Variants in OPCML observed in about 807,000 individuals in gnomAD.
The protein encoded by OPCML is opioid binding protein/cell adhesion molecule like.
Under a neutral mutation model 37.8 loss-of-function variants are expected in OPCML, and 13 were observed. The ratio of observed to expected loss-of-function variants is 0.34; its 90% CI spans 0.22 to 0.55. The LOEUF is 0.55. OPCML is among the 20% of genes least tolerant of loss of function. The pLI is 0.91. For missense variants in OPCML, 341 were observed against 435.6 expected, an observed-to-expected ratio of 0.78 and a Z score of 1.93; for synonymous variants, 176 against 168.8, an observed-to-expected ratio of 1.04 and a Z score of -0.33.
At chr11:133,520,067 T>G (rs1458327130) in intron 1 of OPCML, among the ~76,000 whole-genome samples, 1 of 152,100 alleles carries the variant, frequency 6.6e-6, no homozygotes, top group East Asian at 1.9e-4. Flanking sequence ...AAAGGAGGGT[T>G]AGAGCAGCTC....
intron 2 of OPCML, among the ~76,000 whole-genome samples, chr11:132,881,590 A>G (rs1278692240): frequency 6.6e-6 from 1 of 151,686 alleles, no homozygotes; most frequent in African/African-American, 2.4e-5. Context: ...GCTTTGTACT[A>G]AAGAATTAGG....
intron 2 of OPCML, among the ~76,000 whole-genome samples, chr11:132,875,104 T>C (rs1411317006): frequency 1.3e-5 from 2 of 152,226 alleles, no homozygotes; most frequent in Non-Finnish European, 2.9e-5. Context: ...GATATGCACT[T>C]TGAAATCTAT....
chr11:132,627,961 G>A (rs991120451), intron 3 of OPCML, among the ~76,000 whole-genome samples: 3 of 152,082 alleles, frequency 2.0e-5, no homozygotes. Context: ...TGATAGTAGT[G>A]AAGAAAAAGG....
chr11:133,035,131 G>A (rs1947754718), intron 1 of OPCML, among the ~76,000 whole-genome samples: 2 of 152,184 alleles, frequency 1.3e-5, no homozygotes, highest in Admixed American at 6.5e-5. Flanking sequence ...GGAGGGTACT[G>A]TTGATATGCA....
At chr11:133,128,118 GT>G (rs150105677) in intron 1 of OPCML, among the ~76,000 whole-genome samples, 3,750 of 152,180 alleles carry the variant, frequency 0.025, 156 homozygotes, top group African/African-American at 0.085. Context: ...TTTACCGCAG[GT>G]TTCCTCACCC....
At chr11:132,991,110 A>G (rs1344259431) in intron 1 of OPCML, among the ~76,000 whole-genome samples, 1 of 152,200 alleles carries the variant, frequency 6.6e-6, no homozygotes, top group Non-Finnish European at 1.5e-5. Context: ...AAATGTCTAC[A>G]GCAATTCGCA....
chr11:133,032,562 T>C (rs957638412), intron 1 of OPCML, among the ~76,000 whole-genome samples: 3 of 152,238 alleles, frequency 2.0e-5, no homozygotes, highest in African/African-American at 4.8e-5. Context: ...GTAACAAGTC[T>C]AGAACTCACA....
intron 2 of OPCML, among the ~76,000 whole-genome samples, chr11:132,756,491 T>C (rs1432459298): frequency 6.6e-6 from 1 of 152,228 alleles, no homozygotes; most frequent in Non-Finnish European, 1.5e-5. Context: ...GCCATGTTGC[T>C]CCTAGGTGCG....
At chr11:132,950,511 C>T (rs747588360) in intron 1 of OPCML, among the ~76,000 whole-genome samples, 1 of 152,206 alleles carries the variant, frequency 6.6e-6, no homozygotes, top group Non-Finnish European at 1.5e-5. Flanking sequence ...AGTTGTGAAG[C>T]TATCACCTCT....
At chr11:132,737,074 T>C (rs975127251) in intron 2 of OPCML, among the ~76,000 whole-genome samples, 2 of 152,170 alleles carry the variant, frequency 1.3e-5, no homozygotes, top group Non-Finnish European at 2.9e-5. Flanking sequence ...ATTATCTCCA[T>C]GTGGACACTG....
At chr11:132,614,277 A>T (rs1459671368) in intron 3 of OPCML, among the ~76,000 whole-genome samples, 2 of 151,922 alleles carry the variant, frequency 1.3e-5, no homozygotes, top group Non-Finnish European at 2.9e-5. Flanking sequence ...CCCCCATCAG[A>T]TTTTCCTGAG....
intron 2 of OPCML, among the ~76,000 whole-genome samples, chr11:132,745,168 G>A (rs1287171670): frequency 2.0e-5 from 3 of 152,158 alleles, no homozygotes; most frequent in African/African-American, 7.2e-5. Context: ...GGGAGAGGAA[G>A]CTAGAGATGA....
In OPCML at chr11:132,989,238, C is replaced by T. The variant is rs928545322; in HGVS notation, c.62-46228G>A. Among the ~76,000 whole-genome samples the T allele has an allele frequency of 3.3e-5, 5 of 152,100 alleles. No individual in the cohort carries two copies. The East Asian group carries it at 9.6e-4, about 29-fold the overall frequency. On this transcript the variant is annotated intron_variant, in intron 1 of 7. Coordinates refer to ENST00000524381, the MANE Select transcript of OPCML (RefSeq NM_001012393.5). ...GAAAAAATCATTGGTTCAGCCTAGT[C>T]ACCAACATAAAAATGGATAAATCAA...
At chr11:133,025,414 T>A in intron 1 of OPCML, 1 of 985,326 alleles carries the variant, frequency 1.0e-6, no homozygotes, top group Non-Finnish European at 1.2e-6. Flanking sequence ...CCAAAATGTG[T>A]GTCTCAGGTG....
intron 2 of OPCML, among the ~76,000 whole-genome samples, chr11:132,780,590 C>T (rs565688289): frequency 5.9e-5 from 9 of 152,066 alleles, no homozygotes; most frequent in Non-Finnish European, 1.3e-4. Context: ...TCCATGAGTC[C>T]GCAGGTTTGA....
intron 3 of OPCML, among the ~76,000 whole-genome samples, chr11:132,604,531 G>A (rs188519091): frequency 6.6e-6 from 1 of 152,166 alleles, no homozygotes; most frequent in Non-Finnish European, 1.5e-5. Context: ...TGAACTCTGA[G>A]GCCTTTTCTA....
chr11:132,722,253 C>A (rs572512024), intron 2 of OPCML, among the ~76,000 whole-genome samples: 1 of 129,418 alleles, frequency 7.7e-6, no homozygotes, highest in East Asian at 2.0e-4. Context: ...CCACGTCCGG[C>A]CTATTTTTTT....
intron 1 of OPCML, among the ~76,000 whole-genome samples, chr11:133,063,476 A>G (rs1052598529): frequency 6.6e-6 from 1 of 152,092 alleles, no homozygotes; most frequent in South Asian, 2.1e-4. Context: ...ACCTATTTTT[A>G]TAGGATGTGA....
At chr11:133,167,634 C>T (rs1390827610) in intron 1 of OPCML, among the ~76,000 whole-genome samples, 1 of 151,846 alleles carries the variant, frequency 6.6e-6, no homozygotes, top group Non-Finnish European at 1.5e-5. Context: ...GCCCTGGCTA[C>T]CTCTTTCTGC....
Sources: allele counts gnomAD v4.1 joint callset (sites outside exome capture counted in the v4.1 genomes callset), GRCh38; gene constraint gnomAD v4.1.1; transcripts MANE v1.5; gene names NCBI Gene and HGNC (gene_info 2026-07-23, HGNC 2026-07-21).